The following DIAPH3 variants were observed in gnomAD, a reference collection of about 807,000 sequenced individuals.
The protein encoded by DIAPH3 is diaphanous related formin 3.
DIAPH3 carries 117 observed loss-of-function variants against 144.3 expected under a neutral mutation model. The ratio of observed to expected loss-of-function variants is 0.81; its 90% CI spans 0.70 to 0.95. DIAPH3 has a LOEUF of 0.95. Among genes scored for constraint, DIAPH3 ranks in the 40% least tolerant of loss-of-function variants. The probability of loss-of-function intolerance (pLI) is 0.00; values close to 1 mark genes in which losing one functional copy is unlikely to be tolerated. For synonymous variants in DIAPH3, 519 were observed against 488.9 expected, an observed-to-expected ratio of 1.06 and a Z score of -0.81; for missense variants, 1,421 against 1,412.7, an observed-to-expected ratio of 1.01 and a Z score of -0.09.
intron 27 of DIAPH3, among the ~76,000 whole-genome samples, chr13:59,727,376 G>A (rs779146476): frequency 1.3e-5 from 2 of 152,200 alleles, no homozygotes; most frequent in Non-Finnish European, 2.9e-5. Flanking sequence ...CTTCCCAAAT[G>A]TCTGCCTAAA....
intron 27 of DIAPH3, among the ~76,000 whole-genome samples, chr13:59,686,006 T>G (rs748373889): frequency 5.3e-5 from 8 of 152,126 alleles, no homozygotes; most frequent in Non-Finnish European, 1.0e-4. Context: ...ATCCCCAAAC[T>G]AAATGTGCCA....
chr13:59,893,351 C>T (rs1354184200), intron 20 of DIAPH3, among the ~76,000 whole-genome samples: 5 of 152,158 alleles, frequency 3.3e-5, no homozygotes, highest in Non-Finnish European at 4.4e-5. Context: ...TATGAGAATT[C>T]ATTAAAATAC....
At chr13:59,746,149 A>G (rs111733653) in intron 27 of DIAPH3, among the ~76,000 whole-genome samples, 3 of 152,180 alleles carry the variant, frequency 2.0e-5, no homozygotes, top group African/African-American at 7.2e-5. Flanking sequence ...CAGCTTTAAA[A>G]ATATTTTATT....
chr13:59,677,791 A>G (rs2032725744), intron 27 of DIAPH3, among the ~76,000 whole-genome samples: 1 of 152,206 alleles, frequency 6.6e-6, no homozygotes, highest in Non-Finnish European at 1.5e-5. Context: ...TGTTTCATAT[A>G]AAGAGGAAGG....
chr13:59,881,548 C>T (rs1237149686), intron 20 of DIAPH3, among the ~76,000 whole-genome samples: 1 of 152,146 alleles, frequency 6.6e-6, no homozygotes, highest in Non-Finnish European at 1.5e-5. Flanking sequence ...TAAATGCCTA[C>T]ATTATACCAC....
intron 17 of DIAPH3, among the ~76,000 whole-genome samples, chr13:59,958,245 T>C (rs2049520669): frequency 6.6e-6 from 1 of 152,156 alleles, no homozygotes; most frequent in African/African-American, 2.4e-5. Flanking sequence ...ATTATATATA[T>C]TCATATCCAT....
At chr13:59,877,740 T>C (rs2044723314) in intron 21 of DIAPH3, among the ~76,000 whole-genome samples, 1 of 151,820 alleles carries the variant, frequency 6.6e-6, no homozygotes, top group African/African-American at 2.4e-5. Context: ...CTCTTTACAA[T>C]CTAGACCAAT....
rs759868187 is a variant in DIAPH3 at position 59,861,554 on chromosome 13, G to T, written c.2608-18C>A. On this transcript the variant is annotated intron_variant, in intron 21 of 27. Coordinates refer to ENST00000400324, the MANE Select transcript of DIAPH3 (RefSeq NM_001042517.2). ...TCCTTTAGCTAAATAGAACAGGAGG[G>T]AGAAAAAACACAGAGTCATAAGTAT... is the stretch of plus-strand genomic sequence containing the variant. 2 of 1,611,240 alleles carry T rather than the reference G, an allele frequency of 1.2e-6. No homozygotes were observed. The highest frequency in any genetic ancestry group is 1.7e-6 in the Non-Finnish European group (2 of 1,177,860).
chr13:60,068,326 G>A (rs560644591), intron 4 of DIAPH3, among the ~76,000 whole-genome samples: 1 of 152,204 alleles, frequency 6.6e-6, no homozygotes, highest in Admixed American at 6.5e-5. Flanking sequence ...AGTTCCACCA[G>A]CCATGTATGA....
At chr13:60,140,086 T>C (rs1329140271) in intron 1 of DIAPH3, among the ~76,000 whole-genome samples, 2 of 152,228 alleles carry the variant, frequency 1.3e-5, no homozygotes, top group Non-Finnish European at 2.9e-5. Flanking sequence ...TTGAAGCTTA[T>C]CGCAACTACT....
At chr13:59,721,148 A>AT (rs2035323728) in intron 27 of DIAPH3, among the ~76,000 whole-genome samples, 1 of 152,168 alleles carries the variant, frequency 6.6e-6, no homozygotes, top group South Asian at 2.1e-4. Flanking sequence ...TATAACACAT[A>AT]TTTTTTGGGT....
intron 4 of DIAPH3, chr13:60,044,236 A>G (rs1254015091): frequency 6.6e-6 from 1 of 152,228 alleles, no homozygotes; most frequent in African/African-American, 2.4e-5. Flanking sequence ...TGTAAGTTCA[A>G]AAGAAGATCA....
intron 9 of DIAPH3, among the ~76,000 whole-genome samples, chr13:60,000,763 A>G (rs879332639): frequency 3.9e-5 from 6 of 152,154 alleles, no homozygotes; most frequent in Non-Finnish European, 5.9e-5. Flanking sequence ...TGACATAATT[A>G]TTTCTCCTCT....
chr13:59,920,608 T>C (rs939721738), intron 18 of DIAPH3, among the ~76,000 whole-genome samples: 1 of 150,874 alleles, frequency 6.6e-6, no homozygotes, highest in Non-Finnish European at 1.5e-5. Flanking sequence ...ACAAAGAAAA[T>C]AGATCTACAG....
chr13:59,746,124 T>A (rs2036691307), intron 27 of DIAPH3, among the ~76,000 whole-genome samples: 1 of 152,238 alleles, frequency 6.6e-6, no homozygotes, highest in African/African-American at 2.4e-5. Flanking sequence ...ATTGTATATA[T>A]CTTTTATATT....
At chr13:59,795,675 G>T (rs565975388) in intron 25 of DIAPH3, among the ~76,000 whole-genome samples, 1 of 151,666 alleles carries the variant, frequency 6.6e-6, no homozygotes, top group Non-Finnish European at 1.5e-5. Context: ...AGATGGTCTC[G>T]ATCTCCTGAC....
At chr13:60,120,850 C>G (rs918495301) in intron 2 of DIAPH3, among the ~76,000 whole-genome samples, 1 of 152,150 alleles carries the variant, frequency 6.6e-6, no homozygotes, top group Non-Finnish European at 1.5e-5. Flanking sequence ...CAGAACCATA[C>G]TGTAAGCTGT....
At chr13:60,026,726 GTC>G (rs1010101775) in intron 5 of DIAPH3, among the ~76,000 whole-genome samples, 3 of 151,402 alleles carry the variant, frequency 2.0e-5, no homozygotes, top group Admixed American at 6.6e-5. Flanking sequence ...TAGACAAAGT[GTC>G]TCTCTCTCTC....
chr13:59,995,198 AAAAC>A (rs942799349), intron 9 of DIAPH3, among the ~76,000 whole-genome samples: 4 of 151,898 alleles, frequency 2.6e-5, no homozygotes, highest in Non-Finnish European at 5.9e-5. Context: ...ATTCATTAAA[AAAAC>A]AATTACTGAC....
Sources: allele counts gnomAD v4.1 joint callset (sites outside exome capture counted in the v4.1 genomes callset), GRCh38; gene constraint gnomAD v4.1.1; transcripts MANE v1.5; gene names NCBI Gene and HGNC (gene_info 2026-07-23, HGNC 2026-07-21).